The following FHL2 variants were observed in gnomAD, a reference collection of about 807,000 sequenced individuals.
FHL2 encodes the protein four and a half LIM domains 2.
Under a neutral mutation model 32.7 loss-of-function variants are expected in FHL2, and 20 were observed. The observed-to-expected ratio is 0.61, with a 90% CI of 0.43 to 0.89. The LOEUF (loss-of-function observed/expected upper bound fraction) is 0.89. FHL2 is among the 40% of genes least tolerant of loss of function. FHL2 has a pLI of 0.00. For missense variants in FHL2, 311 were observed against 358.6 expected, an observed-to-expected ratio of 0.87 and a Z score of 1.07; for synonymous variants, 123 against 128.1, an observed-to-expected ratio of 0.96 and a Z score of 0.27.
chr2:105,388,650 C>T (rs1412939152), intron 2 of FHL2, among the ~76,000 whole-genome samples: 1 of 148,378 alleles, frequency 6.7e-6, no homozygotes. Context: ...TGGTGAAACC[C>T]TGTCTCTACT....
intron 1 of FHL2, among the ~76,000 whole-genome samples, chr2:105,397,126 T>C (rs1254376238): frequency 6.7e-6 from 1 of 149,422 alleles, no homozygotes; most frequent in Non-Finnish European, 1.5e-5. Context: ...GTATGCATCA[T>C]AAGGCCTCAT....
At chr2:105,377,874 T>G (rs1205195459) in intron 3 of FHL2, 1 of 365,392 alleles carries the variant, frequency 2.7e-6, no homozygotes, top group Admixed American at 3.8e-5. Flanking sequence ...AGATAGTTGC[T>G]TTTTACATGG....
At chr2:105,369,658 G>A (rs1027659026) in intron 4 of FHL2, among the ~76,000 whole-genome samples, 7 of 152,160 alleles carry the variant, frequency 4.6e-5, no homozygotes, top group Non-Finnish European at 1.0e-4. Context: ...AATAGTGGAA[G>A]GACTTTGAAT....
downstream of FHL2, chr2:105,357,717 T>G (rs561343624): frequency 6.6e-6 from 1 of 152,350 alleles, no homozygotes; most frequent in South Asian, 2.1e-4. Flanking sequence ...TTTTTTTTTT[T>G]TTCCTAAATA....
At chr2:105,436,504 A>G (rs1048208009) in intron 1 of FHL2, among the ~76,000 whole-genome samples, 3 of 152,176 alleles carry the variant, frequency 2.0e-5, no homozygotes, top group Non-Finnish European at 2.9e-5. Flanking sequence ...ATCTACAGTA[A>G]AAGACATTGG....
upstream of FHL2, among the ~76,000 whole-genome samples, chr2:105,400,330 A>G (rs541677328): frequency 2.6e-5 from 4 of 152,272 alleles, no homozygotes; most frequent in East Asian, 1.9e-4. Flanking sequence ...GAGACTTGCC[A>G]TAAGCCCAGC....
At chr2:105,400,364 G>A (rs1042975011), upstream of FHL2, among the ~76,000 whole-genome samples, 1 of 151,632 alleles carries the variant, frequency 6.6e-6, no homozygotes, top group Non-Finnish European at 1.5e-5. Context: ...GCGGAATACA[G>A]CCCTCCCCCG....
chr2:105,399,701 G>A, upstream of FHL2: 1 of 1,387,314 alleles, frequency 7.2e-7, no homozygotes. Context: ...TTCCAAGCCC[G>A]GGCCCTCTGC....
chr2:105,437,583 C>T (rs535906533), intron 1 of FHL2, among the ~76,000 whole-genome samples: 11 of 152,212 alleles, frequency 7.2e-5, no homozygotes, highest in Admixed American at 2.0e-4. Flanking sequence ...TATCTTTGGA[C>T]GTCAGAATAA....
intron 1 of FHL2, among the ~76,000 whole-genome samples, chr2:105,420,324 CTG>C (rs762446846): frequency 6.6e-6 from 1 of 152,156 alleles, no homozygotes; most frequent in Non-Finnish European, 1.5e-5. Context: ...TAGTATCTCC[CTG>C]TGTGTGCGTC....
chr2:105,361,893 G>A (rs1363882285), intron 6 of FHL2, among the ~76,000 whole-genome samples: 3 of 152,172 alleles, frequency 2.0e-5, no homozygotes, highest in Non-Finnish European at 2.9e-5. Flanking sequence ...GATAAAGTGC[G>A]ATGTGGGTGG....
intron 5 of FHL2, among the ~76,000 whole-genome samples, chr2:105,367,022 C>A (rs1220925807): frequency 6.6e-6 from 1 of 152,224 alleles, no homozygotes; most frequent in Non-Finnish European, 1.5e-5. Flanking sequence ...GATCCACCAG[C>A]CTTGGCCTCC....
At chr2:105,365,550 G>A (rs1347421412) in intron 5 of FHL2, among the ~76,000 whole-genome samples, 1 of 152,024 alleles carries the variant, frequency 6.6e-6, no homozygotes, top group Non-Finnish European at 1.5e-5. Flanking sequence ...AAAATAAAAA[G>A]GGGAGAGAAC....
At chr2:105,397,784 A>G (rs1239422178) in intron 1 of FHL2, among the ~76,000 whole-genome samples, 1 of 152,210 alleles carries the variant, frequency 6.6e-6, no homozygotes, top group Non-Finnish European at 1.5e-5. Flanking sequence ...TAAATGCACA[A>G]TGAAATGTTC....
At chr2:105,392,239 G>A (rs985755126) in intron 2 of FHL2, among the ~76,000 whole-genome samples, 2 of 152,186 alleles carry the variant, frequency 1.3e-5, no homozygotes, top group Non-Finnish European at 2.9e-5. Context: ...TTGGGAGACC[G>A]AGGCAGACAT....
chr2:105,415,056 G>A (rs12612052), intron 1 of FHL2, among the ~76,000 whole-genome samples: 15,859 of 152,242 alleles, frequency 0.1, 1,416 homozygotes, highest in East Asian at 0.48. Flanking sequence ...GTACACAAAC[G>A]CAGATGTATA....
At chr2:105,360,369 T>C (rs1460331019), downstream of FHL2, 1 of 151,880 alleles carries the variant, frequency 6.6e-6, no homozygotes, top group Non-Finnish European at 1.5e-5. Context: ...TGAAGGCTTT[T>C]TTTTTTTGAG....
chr2:105,412,168 G>A (rs1330129933), intron 1 of FHL2, among the ~76,000 whole-genome samples: 1 of 152,232 alleles, frequency 6.6e-6, no homozygotes, highest in Non-Finnish European at 1.5e-5. Context: ...TAGCCAACAG[G>A]TGGATGCAGC....
At chr2:105,421,268 G>C (rs559499083) in intron 1 of FHL2, among the ~76,000 whole-genome samples, 25 of 152,204 alleles carry the variant, frequency 1.6e-4, no homozygotes, top group Non-Finnish European at 2.8e-4. Flanking sequence ...ATTTGATTTG[G>C]TGTCAGTGAT....
Sources: allele counts gnomAD v4.1 joint callset (sites outside exome capture counted in the v4.1 genomes callset), GRCh38; gene constraint gnomAD v4.1.1; transcripts MANE v1.5; gene names NCBI Gene and HGNC (gene_info 2026-07-23, HGNC 2026-07-21).